Variants in TPRG1 observed in about 807,000 individuals in gnomAD.
TPRG1 encodes the protein tumor protein p63 regulated 1.
A neutral mutation model predicts 29.3 loss-of-function variants in TPRG1; 29 were observed. The ratio of observed to expected loss-of-function variants is 0.99; its 90% confidence interval spans 0.74 to 1.35. The LOEUF is 1.35. Among genes scored for constraint, TPRG1 ranks in the 40% most tolerant of loss-of-function variants. TPRG1 has a pLI of 0.00. For missense variants in TPRG1, 327 were observed against 335.0 expected (o/e 0.98, Z 0.19); for synonymous variants, 130 against 116.8 (o/e 1.11, Z -0.73).
intron 1 of TPRG1, among the ~76,000 whole-genome samples, chr3:189,197,349 T>C (rs1732711501): frequency 6.6e-6 from 1 of 152,200 alleles, no homozygotes; most frequent in Admixed American, 6.5e-5. Flanking sequence ...CCCACATCTT[T>C]AGCCTTGCGT....
chr3:188,999,678 T>A (rs1420041466), intron 1 of TPRG1, among the ~76,000 whole-genome samples: 1 of 152,082 alleles, frequency 6.6e-6, no homozygotes. Flanking sequence ...TGGCAAGAAA[T>A]GATAGTTATT....
At chr3:189,059,940 T>TA (rs1715991071) in intron 4 of TPRG1, among the ~76,000 whole-genome samples, 1 of 152,182 alleles carries the variant, frequency 6.6e-6, no homozygotes, top group African/African-American at 2.4e-5. Context: ...TCCTTCATGT[T>TA]AAAAACTCTT....
chr3:189,243,328 A>C (rs1205204963), intron 4 of TPRG1, among the ~76,000 whole-genome samples: 1 of 152,186 alleles, frequency 6.6e-6, no homozygotes, highest in Non-Finnish European at 1.5e-5. Context: ...TTCCTGCTAA[A>C]TCTGCCCTCA....
intron 3 of TPRG1, among the ~76,000 whole-genome samples, chr3:189,135,771 G>A (rs1209253319): frequency 6.6e-6 from 1 of 152,164 alleles, no homozygotes; most frequent in Non-Finnish European, 1.5e-5. Context: ...CTTTCCAGAT[G>A]CAGTGTAGTC....
chr3:189,189,794 A>G (rs768167987), intron 1 of TPRG1, among the ~76,000 whole-genome samples: 26 of 152,140 alleles, frequency 1.7e-4, no homozygotes, highest in Non-Finnish European at 3.1e-4. Context: ...AGTTTTAGCT[A>G]CTCTCTATAG....
intron 1 of TPRG1, among the ~76,000 whole-genome samples, chr3:189,177,731 G>A (rs1729681467): frequency 6.6e-6 from 1 of 151,988 alleles, no homozygotes; most frequent in African/African-American, 2.4e-5. Flanking sequence ...GCAGAGAGGG[G>A]TATTGTATCA....
chr3:189,071,091 GC>G (rs1205489301), intron 4 of TPRG1, among the ~76,000 whole-genome samples: 5 of 149,978 alleles, frequency 3.3e-5, no homozygotes, highest in Non-Finnish European at 7.4e-5. Context: ...AAAAAGGAAT[GC>G]CTTAGAAACA....
upstream of TPRG1, among the ~76,000 whole-genome samples, chr3:189,099,697 A>C (rs920209501): frequency 1.3e-5 from 2 of 152,068 alleles, no homozygotes; most frequent in African/African-American, 4.8e-5. Context: ...AATTGCTTAA[A>C]ATGGAAAGGA....
intron 4 of TPRG1, among the ~76,000 whole-genome samples, chr3:189,057,851 T>C: frequency 9.0e-6 from 1 of 111,330 alleles, no homozygotes. Context: ...TGTGTGTATA[T>C]ATATACACAC....
intron 4 of TPRG1, among the ~76,000 whole-genome samples, chr3:189,091,998 A>G (rs1300814631): frequency 1.3e-5 from 2 of 152,188 alleles, no homozygotes; most frequent in African/African-American, 2.4e-5. Context: ...TGCTAAATGT[A>G]GGATTCTAAG....
chr3:189,159,695 G>A (rs546333859), intron 5 of TPRG1, among the ~76,000 whole-genome samples: 21 of 152,258 alleles, frequency 1.4e-4, no homozygotes, highest in Admixed American at 1.2e-3. Flanking sequence ...TCTCTGGCAT[G>A]TTGTTCTTAG....
intron 1 of TPRG1, among the ~76,000 whole-genome samples, chr3:189,196,817 A>C (rs1228194034): frequency 1.3e-5 from 2 of 152,218 alleles, no homozygotes; most frequent in African/African-American, 4.8e-5. Flanking sequence ...TATTAATAAA[A>C]ATTTCATTAG....
intron 4 of TPRG1, among the ~76,000 whole-genome samples, chr3:189,065,190 T>TA (rs942960439): frequency 1.3e-5 from 2 of 151,772 alleles, no homozygotes; most frequent in African/African-American, 2.4e-5. Flanking sequence ...AAAAAAGAAG[T>TA]AAAAAAATAC....
chr3:189,146,436 A>G (rs1725272933), intron 3 of TPRG1, among the ~76,000 whole-genome samples: 1 of 152,216 alleles, frequency 6.6e-6, no homozygotes. Context: ...GGTTAGACGT[A>G]TGAGACATCA....
chr3:189,103,842 G>A (rs764484302), intron 1 of TPRG1, among the ~76,000 whole-genome samples: 10 of 152,082 alleles, frequency 6.6e-5, no homozygotes, highest in South Asian at 2.1e-4. Flanking sequence ...CCCTTTCACC[G>A]TGGACTTCCT....
intron 3 of TPRG1, among the ~76,000 whole-genome samples, chr3:189,021,947 C>A (rs1560399194): frequency 6.6e-6 from 1 of 152,050 alleles, no homozygotes; most frequent in Non-Finnish European, 1.5e-5. Context: ...ATTCTTTTTT[C>A]TCTAACCTTC....
intron 3 of TPRG1, among the ~76,000 whole-genome samples, chr3:189,221,943 C>T (rs1189752361): frequency 1.3e-5 from 2 of 151,290 alleles, no homozygotes; most frequent in African/African-American, 2.4e-5. Flanking sequence ...GTTGTCTTCT[C>T]GTTACACTGC....
At chr3:189,258,449 G>A (rs1221395795) in intron 4 of TPRG1, among the ~76,000 whole-genome samples, 2 of 152,120 alleles carry the variant, frequency 1.3e-5, no homozygotes, top group Non-Finnish European at 2.9e-5. Flanking sequence ...GACCCCTGCT[G>A]GACGTGTCTC....
chr3:189,129,992 G>T (rs1230100174), intron 2 of TPRG1, among the ~76,000 whole-genome samples: 1 of 152,158 alleles, frequency 6.6e-6, no homozygotes, highest in African/African-American at 2.4e-5. Flanking sequence ...TCATAAGAGG[G>T]ATAATAAAAC....
Sources: allele counts gnomAD v4.1 joint callset (sites outside exome capture counted in the v4.1 genomes callset), GRCh38; gene constraint gnomAD v4.1.1; transcripts MANE v1.5; gene names NCBI Gene and HGNC (gene_info 2026-07-23, HGNC 2026-07-21).